NCALD: variants seen among roughly 807,000 people sequenced by gnomAD.
NCALD encodes neurocalcin-delta.
Under a neutral mutation model 18.6 loss-of-function variants are expected in NCALD, and 10 were observed. That is an observed-to-expected ratio of 0.54 (90% confidence interval 0.33 to 0.91). NCALD has a LOEUF of 0.91. NCALD is among the 40% of genes least tolerant of loss of function. NCALD has a pLI of 0.03. For synonymous variants in NCALD, 88 were observed against 87.4 expected, an observed-to-expected ratio of 1.01 and a Z score of -0.04; for missense variants, 184 against 247.6, an observed-to-expected ratio of 0.74 and a Z score of 1.72.
intron 3 of NCALD, among the ~76,000 whole-genome samples, chr8:101,891,893 A>G (rs991568362): frequency 2.6e-5 from 4 of 152,160 alleles, no homozygotes; most frequent in African/African-American, 9.7e-5. Flanking sequence ...TTCCTACCAC[A>G]GCAGTCTGAG....
chr8:101,730,587 T>C (rs1311399603), intron 1 of NCALD, among the ~76,000 whole-genome samples: 1 of 152,050 alleles, frequency 6.6e-6, no homozygotes, highest in East Asian at 1.9e-4. Context: ...CATTTATCGA[T>C]GGATTCAACA....
At chr8:102,102,328 C>A (rs561155220) in intron 1 of NCALD, among the ~76,000 whole-genome samples, 1 of 152,316 alleles carries the variant, frequency 6.6e-6, no homozygotes, top group South Asian at 2.1e-4. Context: ...AAACGTGAAG[C>A]AATTAGCGCA....
At chr8:102,088,733 G>C (rs181995962) in intron 1 of NCALD, among the ~76,000 whole-genome samples, 10 of 151,892 alleles carry the variant, frequency 6.6e-5, no homozygotes, top group Admixed American at 5.9e-4. Context: ...AAAAACCTCT[G>C]TTTTCCTCAT....
chr8:102,044,059 T>G (rs959916127), intron 1 of NCALD, among the ~76,000 whole-genome samples: 1 of 152,010 alleles, frequency 6.6e-6, no homozygotes, highest in Non-Finnish European at 1.5e-5. Flanking sequence ...ACATGAAATT[T>G]TAACATATGT....
At chr8:102,048,761 G>GCACA (rs1297682788) in intron 1 of NCALD, among the ~76,000 whole-genome samples, 1 of 152,150 alleles carries the variant, frequency 6.6e-6, no homozygotes, top group Admixed American at 6.5e-5. Flanking sequence ...AAAAATACAT[G>GCACA]CACACACTTC....
At position 101,955,462 on chromosome 8, in the gene NCALD, T is replaced by C. The variant is rs73279260; in HGVS notation, c.-156-39604A>G. Among the ~76,000 whole-genome samples, 1,340 of 152,272 alleles carry C rather than the reference T, an allele frequency of 8.8e-3. 18 individuals carry two copies. The highest frequency in any genetic ancestry group is 0.03 in the African/African-American group (1,263 of 41,554). ...ATAAAAGTCACAGATCATTAATAAT[T>C]AGGAAGCTGAGACATCTGGGGTCTA... On this transcript the variant is annotated intron_variant, in intron 2 of 6. Coordinates refer to the NCALD transcript ENST00000311028.
intron 2 of NCALD, among the ~76,000 whole-genome samples, chr8:101,703,541 G>GA (rs748996385): frequency 6.6e-6 from 1 of 152,172 alleles, no homozygotes; most frequent in Non-Finnish European, 1.5e-5. Context: ...CAATGGACAT[G>GA]AAACAACAGT....
intron 2 of NCALD, among the ~76,000 whole-genome samples, chr8:101,953,298 T>C (rs1299226038): frequency 2.0e-5 from 3 of 152,136 alleles, no homozygotes; most frequent in Admixed American, 1.3e-4. Flanking sequence ...TTAAAGAATA[T>C]TGTAGGAGGC....
chr8:102,014,107 A>G (rs1821998083), intron 2 of NCALD, among the ~76,000 whole-genome samples: 1 of 152,190 alleles, frequency 6.6e-6, no homozygotes, highest in Non-Finnish European at 1.5e-5. Flanking sequence ...TTGCCCTAGG[A>G]AGCAGGCTTC....
At chr8:102,095,614 ATAAT>A in intron 1 of NCALD, among the ~76,000 whole-genome samples, 1 of 152,298 alleles carries the variant, frequency 6.6e-6, no homozygotes, top group Admixed American at 6.5e-5. Context: ...CATTGGGGAG[ATAAT>A]TACTCAACGT....
chr8:101,688,997 C>T lies in NCALD; in HGVS notation c.*312G>A. ...TGGATGGGTTTCCCTTCTTTTGCCC[C>T]AACCCCCGAGTCTTACGTTTTAGAA... On this transcript the variant is annotated 3_prime_UTR_variant, in exon 4 of 4. Coordinates refer to ENST00000220931, the MANE Select transcript of NCALD (RefSeq NM_032041.3). 2.9e-6 allele frequency: 2 copies of T among 684,858 alleles called. No individual in the cohort carries two copies. Among genetic ancestry groups the T allele is most frequent in the Non-Finnish European group, 5.3e-6 (2 of 378,464 alleles). The allele number at this position is 684,858 out of a possible 1,614,324, so 42.4% of individuals were successfully genotyped here. A position where few individuals can be genotyped will look rare whatever the true frequency, so the allele number is the denominator to read the frequency against.
At position 101,838,087 on chromosome 8, in the gene NCALD, C is replaced by G. The variant is rs537891038; in HGVS notation, c.-20+49054G>C. On this transcript the variant is annotated intron_variant, in intron 4 of 6. Coordinates refer to the NCALD transcript ENST00000311028. ...ATCATTTAGTGTGCTATTATTAATACAGTGTATTAATATAACATTTTTGTT... is the reference window on the plus strand; with the variant it reads ...ATCATTTAGTGTGCTATTATTAATAGAGTGTATTAATATAACATTTTTGTT... Among the ~76,000 whole-genome samples the G allele has an allele frequency of 4.6e-5, 7 of 152,276 alleles. No homozygotes were observed. The East Asian group carries it at 1.3e-3, about 29-fold the overall frequency.
At chr8:101,926,397 G>A (rs1818337245) in intron 2 of NCALD, among the ~76,000 whole-genome samples, 1 of 152,112 alleles carries the variant, frequency 6.6e-6, no homozygotes, top group Non-Finnish European at 1.5e-5. Context: ...TACAACCACA[G>A]GGGCTGATTA....
At position 101,952,225 on chromosome 8, in the gene NCALD, T is replaced by C. The variant is rs111319635; in HGVS notation, c.-156-36367A>G. Among the ~76,000 whole-genome samples the C allele has an allele frequency of 5.3e-3, 812 of 152,250 alleles. 5 individuals are homozygous for C. The highest frequency in any genetic ancestry group is 0.018 in the African/African-American group (762 of 41,550). Reference sequence around the variant, plus strand: ...TGCTGGGTCTTGTCCACGCAAAGAATGCAAGTACAGGACTCCAAGTCTGTC... The same window carrying C: ...TGCTGGGTCTTGTCCACGCAAAGAACGCAAGTACAGGACTCCAAGTCTGTC... On this transcript the variant is annotated intron_variant, in intron 2 of 6. Coordinates refer to the NCALD transcript ENST00000311028.
chr8:101,976,111 T>C (rs1820414397), intron 2 of NCALD, among the ~76,000 whole-genome samples: 1 of 152,220 alleles, frequency 6.6e-6, no homozygotes, highest in Admixed American at 6.5e-5. Context: ...AGCTCTTCTC[T>C]GTGGGTTCTG....
intron 1 of NCALD, among the ~76,000 whole-genome samples, chr8:102,085,969 T>G (rs1215322406): frequency 6.6e-6 from 1 of 152,236 alleles, no homozygotes; most frequent in Non-Finnish European, 1.5e-5. Context: ...TTTGTCCTTA[T>G]GAATTTATGC....
chr8:101,752,941 T>A (rs1007626260), intron 1 of NCALD, among the ~76,000 whole-genome samples: 5 of 146,936 alleles, frequency 3.4e-5, no homozygotes, highest in Non-Finnish European at 7.4e-5. Flanking sequence ...TTGTTCTAAA[T>A]CTCTGAAATT....
intron 4 of NCALD, among the ~76,000 whole-genome samples, chr8:101,860,241 A>C (rs1815484487): frequency 2.0e-5 from 3 of 152,182 alleles, no homozygotes; most frequent in Admixed American, 1.3e-4. Flanking sequence ...CTGCCTCAGG[A>C]AACTACCGGA....
chr8:101,804,362 C>CAATTATATATTATATATAATTATATA (rs1563785841), intron 4 of NCALD, among the ~76,000 whole-genome samples: 47 of 120,754 alleles, frequency 3.9e-4, no homozygotes, highest in East Asian at 2.4e-3. Flanking sequence ...ATAATTATAT[C>CAATTATATATTATATATAATTATATA]AATTATATAT....
Sources: gnomAD v4.1 joint callset for allele counts (sites outside exome capture counted in the v4.1 genomes callset) on GRCh38, gnomAD v4.1.1 for gene constraint, MANE v1.5 for transcripts, NCBI Gene and HGNC (gene_info 2026-07-23, HGNC 2026-07-21) for gene names.